Variants in PAFAH1B1 observed in about 807,000 individuals in gnomAD.
PAFAH1B1 encodes platelet activating factor acetylhydrolase 1b regulatory subunit 1.
PAFAH1B1 carries 2 observed loss-of-function variants against 57.5 expected under a neutral mutation model. The observed-to-expected ratio is 0.03, with a 90% confidence interval of 0.01 to 0.11. The LOEUF (loss-of-function observed/expected upper bound fraction) is 0.11, where lower values mean the gene tolerates loss of function less well. Among genes scored for constraint, PAFAH1B1 ranks in the 10% least tolerant of loss-of-function variants. The probability of loss-of-function intolerance (pLI) is 1.00; values close to 1 mark genes in which losing one functional copy is unlikely to be tolerated. For synonymous variants in PAFAH1B1, 152 were observed against 169.6 expected, an observed-to-expected ratio of 0.90 and a Z score of 0.81; for missense variants, 257 against 512.0, an observed-to-expected ratio of 0.50 and a Z score of 4.81.
At chr17:2,595,862 C>T (rs545867936) in intron 1 of PAFAH1B1, among the ~76,000 whole-genome samples, 5 of 152,264 alleles carry the variant, frequency 3.3e-5, no homozygotes, top group East Asian at 3.9e-4. Flanking sequence ...TACCTCCCCC[C>T]ACATCCTTTT....
At chr17:2,597,285 A>AT (rs1567520672) in intron 1 of PAFAH1B1, among the ~76,000 whole-genome samples, 1 of 151,694 alleles carries the variant, frequency 6.6e-6, no homozygotes, top group African/African-American at 2.4e-5. Flanking sequence ...TTTTAGTACA[A>AT]TTTTTTGTTA....
intron 1 of PAFAH1B1, among the ~76,000 whole-genome samples, chr17:2,632,508 AT>A (rs1317623765): frequency 1.3e-5 from 2 of 152,076 alleles, no homozygotes; most frequent in Admixed American, 1.3e-4. Flanking sequence ...CATTTGTTTT[AT>A]AGGACTTTTC....
chr17:2,648,021 A>G (rs981289233), intron 2 of PAFAH1B1, among the ~76,000 whole-genome samples: 2 of 152,058 alleles, frequency 1.3e-5, no homozygotes, highest in Non-Finnish European at 2.9e-5. Context: ...AAATAAATAA[A>G]TAAATAAAGG....
intron 2 of PAFAH1B1, among the ~76,000 whole-genome samples, chr17:2,653,272 A>C (rs1015741723): frequency 6.6e-6 from 1 of 152,070 alleles, no homozygotes; most frequent in African/African-American, 2.4e-5. Context: ...GCCTGTCGTG[A>C]GGTGAGGGGA....
intron 9 of PAFAH1B1, among the ~76,000 whole-genome samples, chr17:2,678,200 G>C (rs1191946236): frequency 6.6e-6 from 1 of 151,760 alleles, no homozygotes; most frequent in African/African-American, 2.4e-5. Context: ...TTGGGAGTTC[G>C]AGACCAGCCT....
intron 9 of PAFAH1B1, among the ~76,000 whole-genome samples, chr17:2,679,478 TTGGATGGA>T (rs754645470): frequency 4.0e-4 from 1 of 2,470 alleles, no homozygotes; most frequent in Non-Finnish European, 1.4e-3. Flanking sequence ...GGATGGATGA[TTGGATGGA>T]TGGATGGATG....
intron 1 of PAFAH1B1, among the ~76,000 whole-genome samples, chr17:2,596,726 G>C (rs1253374207): frequency 6.6e-6 from 1 of 152,134 alleles, no homozygotes; most frequent in African/African-American, 2.4e-5. Context: ...TGTATTATGT[G>C]TCTGACATAT....
chr17:2,620,442 TTAGG>T (rs1446722648), intron 1 of PAFAH1B1, among the ~76,000 whole-genome samples: 5 of 152,194 alleles, frequency 3.3e-5, no homozygotes, highest in African/African-American at 9.7e-5. Context: ...AAATAGATTA[TTAGG>T]TAGGAACATT....
chr17:2,666,855 G>A, intron 4 of PAFAH1B1, 137 bp from the exon 5 acceptor site: 1 of 631,700 alleles, frequency 1.6e-6, no homozygotes, highest in Non-Finnish European at 2.8e-6. Context: ...ATTTAAATTT[G>A]ACAAATGCTT....
At chr17:2,621,321 C>A (rs185474366) in intron 1 of PAFAH1B1, among the ~76,000 whole-genome samples, 1 of 152,136 alleles carries the variant, frequency 6.6e-6, no homozygotes. Flanking sequence ...TGAGAACATG[C>A]GCTATTTGGC....
rs150380620 is a variant in PAFAH1B1, at chr17:2,674,168, A to G, written c.780A>G (p.Val260=). 1.3e-3 allele frequency: 2,038 copies of G among 1,614,120 alleles called. 3 individuals are homozygous for G. The highest frequency in any genetic ancestry group is 2.1e-3 in the Admixed American group (124 of 59,998). The change falls in exon 8 of 11, where the codon GTA becomes GTG. Residue 260 remains valine, a synonymous_variant. Coordinates refer to ENST00000397195, the MANE Select transcript of PAFAH1B1 (RefSeq NM_000430.4). ...ASCSNDQTVR[V]WVVATKECKA... is the part of the protein sequence containing the mutation. ...GTTCCAATGACCAGACTGTGCGTGT[A>G]TGGGTCGTAGCAACAAAGGAATGCA... is the stretch of plus-strand genomic sequence containing the variant.
At chr17:2,652,656 C>T (rs1479152024) in intron 2 of PAFAH1B1, among the ~76,000 whole-genome samples, 1 of 152,184 alleles carries the variant, frequency 6.6e-6, no homozygotes, top group Non-Finnish European at 1.5e-5. Flanking sequence ...TGCCCGCGCA[C>T]TTCACGTTGT....
At chr17:2,677,262 A>G (rs2069284940) in intron 9 of PAFAH1B1, among the ~76,000 whole-genome samples, 1 of 152,248 alleles carries the variant, frequency 6.6e-6, no homozygotes, top group South Asian at 2.1e-4. Flanking sequence ...CACTTTATTT[A>G]TATGAATCCT....
intron 2 of PAFAH1B1, among the ~76,000 whole-genome samples, chr17:2,662,925 C>A (rs994575752): frequency 6.6e-6 from 1 of 152,010 alleles, no homozygotes; most frequent in East Asian, 1.9e-4. Flanking sequence ...ACCAGCCTGA[C>A]CAACATGGAG....
rs78897692 is a variant in PAFAH1B1, at chr17:2,670,042, T to G, written c.400-121T>G. The G allele has an allele frequency of 7.2e-4, 589 of 821,536 alleles. 8 individuals are homozygous for G. The East Asian group carries it at 0.014, about 20-fold the overall frequency. 50.9% of individuals were successfully genotyped at this position (821,536 alleles called of 1,614,324 possible). A position where few individuals can be genotyped will look rare whatever the true frequency, so the allele number is the denominator to read the frequency against. On this transcript the variant is annotated intron_variant, in intron 5 of 10. Coordinates refer to ENST00000397195, the MANE Select transcript of PAFAH1B1 (RefSeq NM_000430.4). The stretch of plus-strand genomic sequence containing the variant: ...AGATACAATATTTCTAAAATAGTTA[T>G]CCTTTGTTACTTGTTCGGTTAGTTA...
chr17:2,632,896 T>A (rs749753446), intron 1 of PAFAH1B1, among the ~76,000 whole-genome samples: 1 of 152,206 alleles, frequency 6.6e-6, no homozygotes, highest in Non-Finnish European at 1.5e-5. Flanking sequence ...CACACTGTAT[T>A]CATCTGCCCT....
intron 6 of PAFAH1B1, 97 bp downstream of exon 6, chr17:2,670,428 T>C: frequency 8.8e-7 from 1 of 1,142,788 alleles, no homozygotes; most frequent in Non-Finnish European, 1.3e-6. Flanking sequence ...TTTATTCACC[T>C]CTTAATTGTC....
chr17:2,594,122 TC>T (rs1288940648), intron 1 of PAFAH1B1, 116 bp downstream of exon 1: 3 of 391,782 alleles, frequency 7.7e-6, no homozygotes, highest in Non-Finnish European at 9.0e-6. Context: ...CCTCCCATTC[TC>T]CCCTCCCCCT....
intron 1 of PAFAH1B1, among the ~76,000 whole-genome samples, chr17:2,618,919 C>T (rs942093876): frequency 1.5e-5 from 2 of 136,774 alleles, no homozygotes; most frequent in African/African-American, 5.6e-5. Flanking sequence ...TGTACCATTG[C>T]ACTCTAGGCT....
Sources: allele counts gnomAD v4.1 joint callset (sites outside exome capture counted in the v4.1 genomes callset), GRCh38; gene constraint gnomAD v4.1.1; transcripts MANE v1.5; gene names NCBI Gene and HGNC (gene_info 2026-07-23, HGNC 2026-07-21).